CAPN3: variants seen among roughly 807,000 people sequenced by gnomAD.
The protein encoded by CAPN3 is calpain-3.
Under a neutral mutation model 114.0 loss-of-function variants are expected in CAPN3, and 88 were observed. That is an observed-to-expected ratio of 0.77 (90% confidence interval 0.65 to 0.92). The LOEUF (loss-of-function observed/expected upper bound fraction) is 0.92, where lower values mean the gene tolerates loss of function less well. Among genes scored for constraint, CAPN3 ranks in the 40% least tolerant of loss-of-function variants. CAPN3 has a pLI of 0.00. For missense variants in CAPN3, 1,028 were observed against 1,069.0 expected, an observed-to-expected ratio of 0.96 and a Z score of 0.53; for synonymous variants, 386 against 382.9, an observed-to-expected ratio of 1.01 and a Z score of -0.09.
chr15:42,398,634 C>T (rs868137045), intron 9 of CAPN3, among the ~76,000 whole-genome samples: 9 of 123,928 alleles, frequency 7.3e-5, no homozygotes, highest in East Asian at 2.3e-4. Context: ...CACACACACA[C>T]ATATATATAC....
rs1386080736 is a variant in CAPN3 at position 42,359,580 on chromosome 15, C to G, written c.-226C>G. On this transcript the variant is annotated 5_prime_UTR_variant, in exon 1 of 24. Transcript: ENST00000397163. ...CAACATTGCTTCAGAAATCCTTTAG[C>G]ACTCATTTCTCAGGAGAACTTATGG... 1.4e-6 allele frequency: 2 copies of G among 1,404,412 alleles called. No individual in the cohort carries two copies. The highest frequency in any genetic ancestry group is 2.9e-5 in the African/African-American group (2 of 69,198). 87.0% of individuals were successfully genotyped at this position (1,404,412 alleles called of 1,614,324 possible).
chr15:42,402,565 G>A, intron 12 of CAPN3: 1 of 1,477,410 alleles, frequency 6.8e-7, no homozygotes, highest in Non-Finnish European at 9.0e-7. Flanking sequence ...TCTGGTAAGT[G>A]TCCCTGAGTG....
intron 6 of CAPN3, among the ~76,000 whole-genome samples, chr15:42,390,451 C>T (rs1203419295): frequency 6.6e-6 from 1 of 152,186 alleles, no homozygotes; most frequent in Non-Finnish European, 1.5e-5. Flanking sequence ...TGAGCTCCTA[C>T]TATGTTCCAG....
intron 1 of CAPN3, among the ~76,000 whole-genome samples, chr15:42,383,957 C>A (rs1049314477): frequency 4.6e-5 from 7 of 152,132 alleles, no homozygotes; most frequent in African/African-American, 1.4e-4. Flanking sequence ...AAAAAGGAGG[C>A]ATGTTTCTGG....
In CAPN3 at chr15:42,394,382, C is replaced by G. The variant is rs1229329606; in HGVS notation, c.1115+41C>G. On this transcript the variant is annotated intron_variant, in intron 8 of 23. Transcript: ENST00000397163. ...CCACGGGATTGGCGGTGGCGGGGAA[C>G]AGGGTCCGGGACAAGGCTGTGTTGG... The G allele has an allele frequency of 9.5e-6, 14 of 1,475,482 alleles. No individual in the cohort carries two copies. In the East Asian group the frequency reaches 3.4e-4, roughly 36 times the overall value. The allele number at this position is 1,475,482 out of a possible 1,614,324, so 91.4% of individuals were successfully genotyped here.
rs536199564 is a variant in CAPN3, at chr15:42,406,322, C to T, written c.1800+379C>T. Among the ~76,000 whole-genome samples, 6 of 152,190 alleles carry T rather than the reference C, an allele frequency of 3.9e-5. No individual in the cohort carries two copies. The East Asian group carries it at 1.2e-3, about 30-fold the overall frequency. ...GAGCCAGGCAGTCTGGGTCCAGAGTCCGTGTCCTGAACCACAAGAGGCCAT... is the reference window on the plus strand; with the variant it reads ...GAGCCAGGCAGTCTGGGTCCAGAGTTCGTGTCCTGAACCACAAGAGGCCAT... On this transcript the variant is annotated intron_variant, in intron 15 of 23. Transcript: ENST00000397163.
At chr15:42,384,855 T>G (rs1566973750) in intron 2 of CAPN3, among the ~76,000 whole-genome samples, 1 of 152,186 alleles carries the variant, frequency 6.6e-6, no homozygotes, top group East Asian at 1.9e-4. Context: ...TGCTTTTCAC[T>G]GTATCGTCTT....
intron 1 of CAPN3, among the ~76,000 whole-genome samples, chr15:42,369,511 A>G (rs371833419): frequency 2.0e-4 from 31 of 152,270 alleles, no homozygotes; most frequent in African/African-American, 7.0e-4. Context: ...AAAAGAAGAA[A>G]AAAAAAAGAA....
At position 42,359,883 on chromosome 15, in the gene CAPN3, G is replaced by T. The variant is rs62642519; in HGVS notation, c.78G>T (p.Pro26=). The change falls in exon 1 of 24, where the codon CCG becomes CCT. Residue 26 remains proline, a synonymous_variant. Transcript: ENST00000397163. ...GGTCCCCAGGGCCAGTTCCTCACCC[G>T]GCCCAGAGCAAGGCCACTGAGGCTG... ...EPRSPGPVPH[P]AQSKATEAGG... is the part of the protein sequence containing the mutation. 2.5e-6 allele frequency: 4 copies of T among 1,614,020 alleles called. No homozygotes were observed. The Admixed American group carries it at 5.0e-5, about 20-fold the overall frequency.
intron 5 of CAPN3, among the ~76,000 whole-genome samples, chr15:42,389,614 C>T (rs986092539): frequency 2.6e-5 from 4 of 152,196 alleles, no homozygotes; most frequent in African/African-American, 9.7e-5. Flanking sequence ...GGCCAGGCCT[C>T]CTTCAGGGGG....
chr15:42,385,627 A>G, intron 2 of CAPN3: 1 of 514,496 alleles, frequency 1.9e-6, no homozygotes, highest in Admixed American at 1.9e-5. Flanking sequence ...AGAGAATAAG[A>G]AAACGTCCCG....
intron 3 of CAPN3, among the ~76,000 whole-genome samples, 179 bp from the exon 4 acceptor site, chr15:42,387,574 C>T (rs1008297574): frequency 3.9e-5 from 6 of 152,136 alleles, no homozygotes; most frequent in African/African-American, 1.4e-4. Context: ...AGCACCCAGT[C>T]CAGTTAGAGA....
chr15:42,412,200 T>C lies in CAPN3; in HGVS notation c.*427T>C. 2 of 1,535,804 alleles carry C rather than the reference T, an allele frequency of 1.3e-6. No individual in the cohort carries two copies. The highest frequency in any genetic ancestry group is 1.7e-6 in the Non-Finnish European group (2 of 1,146,618). ...GAACCAAACCAGCACTGGGTTCTACTGCTGTGGGGTAAACTAACTCAGTGG... is the reference window on the plus strand; with the variant it reads ...GAACCAAACCAGCACTGGGTTCTACCGCTGTGGGGTAAACTAACTCAGTGG... On this transcript the variant is annotated 3_prime_UTR_variant, in exon 24 of 24. Transcript: ENST00000397163.
intron 1 of CAPN3, among the ~76,000 whole-genome samples, chr15:42,363,255 T>G (rs994621905): frequency 2.0e-5 from 3 of 152,208 alleles, no homozygotes; most frequent in African/African-American, 7.2e-5. Context: ...TAGACTTTCC[T>G]TATATGATCT....
chr15:42,384,673 T>A (rs2053343550), intron 2 of CAPN3, 121 bp downstream of exon 2: 1 of 772,028 alleles, frequency 1.3e-6, no homozygotes, highest in South Asian at 1.4e-5. Flanking sequence ...TTGGAAGATT[T>A]TTTATAACAG....
chr15:42,383,748 T>C (rs1285276754), intron 1 of CAPN3, among the ~76,000 whole-genome samples: 1 of 152,024 alleles, frequency 6.6e-6, no homozygotes, highest in Non-Finnish European at 1.5e-5. Context: ...AATTTTTGTA[T>C]TTTTAGTAGA....
In CAPN3 at chr15:42,396,878, G is replaced by A; in HGVS notation, c.1193+1G>A. 6.2e-7 allele frequency: 1 copy of A among 1,611,698 alleles called. No individual in the cohort carries two copies. The highest frequency in any genetic ancestry group is 8.5e-7 in the Non-Finnish European group (1 of 1,177,814). On this transcript the variant is annotated splice_donor_variant, in intron 9 of 23. Coordinates refer to ENST00000397163, the MANE Select transcript of CAPN3 (RefSeq NM_000070.3). LOFTEE classifies it high-confidence loss of function. ...AGGTCACTGAGGATGGAGAGTTCTG[G>A]TGAGTCCAGAACCCAGGAAGACCCA...
chr15:42,359,966 T>C lies in CAPN3; in HGVS notation c.161T>C (p.Ile54Thr), dbSNP rs760537057. Residue 54 changes from isoleucine to threonine, a missense_variant, in exon 1 of 24, where the codon ATC (isoleucine) becomes ACC (threonine). Physicochemically the swap from Ile to Thr is moderately conservative, Grantham distance 89. Coordinates refer to ENST00000397163, the MANE Select transcript of CAPN3 (RefSeq NM_000070.3). ...ATCATCAGCCGCAATTTTCCTATTA[T>C]CGGAGTGAAAGAGAAGACATTCGAG... ...SAIISRNFPI[I>T]GVKEKTFEQL... 1.9e-6 allele frequency: 3 copies of C among 1,614,186 alleles called. No individual in the cohort carries two copies. Among genetic ancestry groups the C allele is most frequent in the East Asian group, 2.2e-5 (1 of 44,882 alleles).
Position 42,360,043 on chromosome 15 carries a change from T to C in CAPN3, c.238T>C (p.Phe80Leu). Residue 80 changes from phenylalanine to leucine, a missense_variant, in exon 1 of 24, where the codon TTC (phenylalanine) becomes CTC (leucine). Coordinates refer to ENST00000397163, the MANE Select transcript of CAPN3 (RefSeq NM_000070.3). ...GAAAGTTCTTTATGTGGACCCTGAG[T>C]TCCCACCGGATGAGACCTCTCTCTT... Reference protein sequence around the residue: ...EKKVLYVDPEFPPDETSLFYS... With the variant: ...EKKVLYVDPELPPDETSLFYS... 6.2e-7 allele frequency: 1 copy of C among 1,614,170 alleles called. No individual in the cohort carries two copies. The highest frequency in any genetic ancestry group is 8.5e-7 in the Non-Finnish European group (1 of 1,179,988).
Sources: gnomAD v4.1 joint callset for allele counts (sites outside exome capture counted in the v4.1 genomes callset) on GRCh38, gnomAD v4.1.1 for gene constraint, MANE v1.5 for transcripts, NCBI Gene and HGNC (gene_info 2026-07-23, HGNC 2026-07-21) for gene names.